The following SMAP1 variants were observed in gnomAD, a reference collection of about 807,000 sequenced individuals.
The protein encoded by SMAP1 is stromal membrane-associated protein 1.
Under a neutral mutation model 58.5 loss-of-function variants are expected in SMAP1, and 24 were observed. The ratio of observed to expected loss-of-function variants is 0.41; its 90% CI spans 0.30 to 0.58. The LOEUF (loss-of-function observed/expected upper bound fraction) is 0.58. Ranked by LOEUF, SMAP1 falls within the 20% of genes least tolerant of loss-of-function variation. The probability of loss-of-function intolerance (pLI) is 0.29; values close to 1 mark genes in which losing one functional copy is unlikely to be tolerated. For missense variants in SMAP1, 563 were observed against 566.3 expected, an observed-to-expected ratio of 0.99 and a Z score of 0.06; for synonymous variants, 216 against 196.6, an observed-to-expected ratio of 1.10 and a Z score of -0.82.
At chr6:70,802,158 T>G (rs1042314491) in intron 6 of SMAP1, among the ~76,000 whole-genome samples, 3 of 152,240 alleles carry the variant, frequency 2.0e-5, no homozygotes, top group African/African-American at 7.2e-5. Flanking sequence ...CATGGAATGT[T>G]CTTCCATTTG....
intron 7 of SMAP1, chr6:70,837,665 T>G: frequency 2.4e-6 from 1 of 409,356 alleles, no homozygotes; most frequent in Non-Finnish European, 3.3e-6. Context: ...CTTCTCTCTC[T>G]CTCTTTTTTT....
chr6:70,765,173 C>G (rs1441915422), intron 3 of SMAP1, among the ~76,000 whole-genome samples: 1 of 152,206 alleles, frequency 6.6e-6, no homozygotes. Flanking sequence ...TTATGTCCAG[C>G]TTGCGTCCCT....
At chr6:70,811,291 G>A (rs772833399) in intron 6 of SMAP1, among the ~76,000 whole-genome samples, 3 of 152,142 alleles carry the variant, frequency 2.0e-5, no homozygotes, top group Non-Finnish European at 4.4e-5. Flanking sequence ...CCAGGAGGCT[G>A]TTTTGTTTCT....
intron 1 of SMAP1, among the ~76,000 whole-genome samples, chr6:70,722,764 G>A (rs1768586348): frequency 6.6e-6 from 1 of 152,234 alleles, no homozygotes. Context: ...TGTCCTTAAG[G>A]CACAGATCGC....
chr6:70,761,556 T>C (rs1562140698), intron 3 of SMAP1, among the ~76,000 whole-genome samples: 1 of 152,090 alleles, frequency 6.6e-6, no homozygotes, highest in East Asian at 1.9e-4. Flanking sequence ...TCTCATTTAC[T>C]CATCTGTTTA....
In SMAP1 at chr6:70,846,355, G is replaced by A. The variant is rs926975887; in HGVS notation, c.665-6185G>A. Among the ~76,000 whole-genome samples, 4 of 152,136 alleles carry A rather than the reference G, an allele frequency of 2.6e-5. No homozygotes were observed. The South Asian group carries it at 6.2e-4, about 24-fold the overall frequency. ...TTAATCCACGCATTGAATTAAGGAG[G>A]CAGCTGCACTCTTCCTGGTGACGAA... On this transcript the variant is annotated intron_variant, in intron 7 of 10. Coordinates refer to ENST00000370455, the MANE Select transcript of SMAP1 (RefSeq NM_001044305.3).
chr6:70,791,856 AAT>A, intron 5 of SMAP1, 87 bp downstream of exon 5: 1 of 1,087,396 alleles, frequency 9.2e-7, no homozygotes, highest in Non-Finnish European at 1.3e-6. Context: ...GGAACACTAT[AAT>A]AGTTGTTGAT....
chr6:70,861,689 G>T lies in SMAP1; in HGVS notation c.*1355G>T, dbSNP rs1771736185. On this transcript the variant is annotated 3_prime_UTR_variant, in exon 11 of 11. Coordinates refer to ENST00000370455, the MANE Select transcript of SMAP1 (RefSeq NM_001044305.3). ...TATACCTCAATTTTCACTGTGTCCA[G>T]GTGGTACTTTGGCTCGTTGGCTAGA... is the stretch of plus-strand genomic sequence containing the variant. The T allele has an allele frequency of 1.2e-6, 2 of 1,613,978 alleles. No homozygotes were observed. The highest frequency in any genetic ancestry group is 2.7e-5 in the African/African-American group (2 of 74,924).
At chr6:70,789,278 C>G (rs115862399) in intron 4 of SMAP1, among the ~76,000 whole-genome samples, 1,745 of 152,216 alleles carry the variant, frequency 0.011, 33 homozygotes, top group African/African-American at 0.04. Flanking sequence ...ACCACTACCA[C>G]CACAGTCAAG....
chr6:70,683,348 A>G (rs1766805083), intron 1 of SMAP1, among the ~76,000 whole-genome samples: 1 of 150,296 alleles, frequency 6.7e-6, no homozygotes, highest in Non-Finnish European at 1.5e-5. Context: ...TTTTTTTTGT[A>G]TTTTTAGTAG....
At chr6:70,820,085 T>TAAACG in intron 6 of SMAP1, among the ~76,000 whole-genome samples, 1 of 152,206 alleles carries the variant, frequency 6.6e-6, no homozygotes, top group Non-Finnish European at 1.5e-5. Context: ...TTTTCTCATG[T>TAAACG]GTTTGGAGCT....
At chr6:70,846,462 C>G (rs535612849) in intron 7 of SMAP1, among the ~76,000 whole-genome samples, 1 of 152,084 alleles carries the variant, frequency 6.6e-6, no homozygotes, top group Non-Finnish European at 1.5e-5. Context: ...CTGGGGCATG[C>G]CTGTTCAGCC....
In SMAP1 at chr6:70,748,232, C is replaced by T. The variant is rs528482383; in HGVS notation, c.253-6748C>T. On this transcript the variant is annotated intron_variant, in intron 2 of 10. Transcript: ENST00000370455. ...GAGTTACTGCCATGAAGAATTTATC[C>T]AGGGACTAAAAATATTCATTTTTCT... Among the ~76,000 whole-genome samples, 332 of 152,152 alleles carry T rather than the reference C, an allele frequency of 2.2e-3. 2 individuals are homozygous for T. The highest frequency in any genetic ancestry group is 7.7e-3 in the African/African-American group (318 of 41,518).
At chr6:70,806,609 C>T (rs1021018174) in intron 6 of SMAP1, among the ~76,000 whole-genome samples, 11 of 152,068 alleles carry the variant, frequency 7.2e-5, no homozygotes, top group African/African-American at 2.4e-4. Flanking sequence ...AGCTGCAGAC[C>T]GGAGCTGTCT....
chr6:70,733,806 A>C (rs1306909560), intron 2 of SMAP1, among the ~76,000 whole-genome samples: 1 of 152,156 alleles, frequency 6.6e-6, no homozygotes, highest in Non-Finnish European at 1.5e-5. Context: ...CTTATTTCAA[A>C]CTAAGGATAA....
At chr6:70,790,143 T>C (rs1768280349) in intron 4 of SMAP1, among the ~76,000 whole-genome samples, 1 of 152,330 alleles carries the variant, frequency 6.6e-6, no homozygotes, top group Non-Finnish European at 1.5e-5. Context: ...TTATTCTTTT[T>C]ATTTTTTATT....
chr6:70,764,320 C>T (rs1421557902), intron 3 of SMAP1, among the ~76,000 whole-genome samples: 3 of 152,172 alleles, frequency 2.0e-5, no homozygotes, highest in African/African-American at 7.2e-5. Context: ...GGTGACTACA[C>T]TAAACAACAC....
rs192790872 is a variant in SMAP1 at position 70,685,812 on chromosome 6, G to A, written c.118+17671G>A. Reference sequence around the variant, plus strand: ...AGATTTTGTAGAGAGGCAATGGGATGAAGTAGAATCGTCCCATTCTTTGTG... The same window carrying A: ...AGATTTTGTAGAGAGGCAATGGGATAAAGTAGAATCGTCCCATTCTTTGTG... On this transcript the variant is annotated intron_variant, in intron 1 of 10. Transcript: ENST00000370455. Among the ~76,000 whole-genome samples the A allele has an allele frequency of 7.4e-4, 112 of 152,316 alleles. 1 individual carries two copies. The highest frequency in any genetic ancestry group is 2.6e-3 in the African/African-American group (110 of 41,584).
At chr6:70,697,521 T>C (rs975900035) in intron 1 of SMAP1, among the ~76,000 whole-genome samples, 1 of 152,180 alleles carries the variant, frequency 6.6e-6, no homozygotes, top group Non-Finnish European at 1.5e-5. Context: ...TTGGCCAGGC[T>C]GGTCTTGAAC....
Sources: gnomAD v4.1 joint callset for allele counts (sites outside exome capture counted in the v4.1 genomes callset) on GRCh38, gnomAD v4.1.1 for gene constraint, MANE v1.5 for transcripts, NCBI Gene and HGNC (gene_info 2026-07-23, HGNC 2026-07-21) for gene names.